Variants in METAP1D observed in about 807,000 individuals in gnomAD.
METAP1D encodes methionyl aminopeptidase type 1D, mitochondrial.
A neutral mutation model predicts 40.5 loss-of-function variants in METAP1D; 31 were observed. The observed-to-expected ratio is 0.77, with a 90% CI of 0.58 to 1.03. METAP1D has a LOEUF of 1.03. Ranked by LOEUF, METAP1D falls within the 50% of genes least tolerant of loss-of-function variation. The probability of loss-of-function intolerance (pLI) is 0.00; values close to 1 mark genes in which losing one functional copy is unlikely to be tolerated. For synonymous variants in METAP1D, 151 were observed against 146.4 expected, an observed-to-expected ratio of 1.03 and a Z score of -0.22; for missense variants, 411 against 420.7, an observed-to-expected ratio of 0.98 and a Z score of 0.20.
At chr2:172,025,030 A>AAGCCTGACAC (rs1689094210) in intron 1 of METAP1D, among the ~76,000 whole-genome samples, 1 of 152,132 alleles carries the variant, frequency 6.6e-6, no homozygotes, top group Non-Finnish European at 1.5e-5. Flanking sequence ...AGTGAGAATA[A>AAGCCTGACAC]AGCCTGACAC....
chr2:172,080,268 G>C, intron 9 of METAP1D, 60 bp from the exon 10 acceptor site: 1 of 1,613,806 alleles, frequency 6.2e-7, no homozygotes, highest in Non-Finnish European at 8.5e-7. Context: ...GTCCGACGGC[G>C]CGCTTGTGGC....
intron 1 of METAP1D, among the ~76,000 whole-genome samples, chr2:172,042,808 CAT>C (rs1332492825): frequency 6.6e-5 from 4 of 60,300 alleles, no homozygotes; most frequent in African/African-American, 1.9e-4. Flanking sequence ...TATATGTACA[CAT>C]ATACGTGTGT....
At chr2:172,059,391 GGAC>G (rs919324034) in intron 1 of METAP1D, among the ~76,000 whole-genome samples, 14 of 152,058 alleles carry the variant, frequency 9.2e-5, no homozygotes, top group Non-Finnish European at 2.1e-4. Context: ...CTCATTTTAA[GGAC>G]TACTGCTCTA....
chr2:172,019,697 A>G (rs973909099), intron 1 of METAP1D, among the ~76,000 whole-genome samples: 3 of 151,806 alleles, frequency 2.0e-5, no homozygotes, highest in Admixed American at 6.6e-5. Context: ...TATAAAACCT[A>G]CTCTCTGTGA....
At chr2:172,058,002 A>G (rs1055860364) in intron 1 of METAP1D, among the ~76,000 whole-genome samples, 1 of 150,366 alleles carries the variant, frequency 6.7e-6, no homozygotes, top group African/African-American at 2.5e-5. Context: ...GTGTGATCAT[A>G]GCTCAGTGCA....
At chr2:172,022,135 G>T (rs146293451) in intron 1 of METAP1D, among the ~76,000 whole-genome samples, 209 of 152,208 alleles carry the variant, frequency 1.4e-3, no homozygotes, top group Non-Finnish European at 2.7e-3. Context: ...CTGGATCCAG[G>T]CCCAGATGAA....
chr2:172,073,060 A>G (rs900481646), intron 6 of METAP1D, among the ~76,000 whole-genome samples: 5 of 152,162 alleles, frequency 3.3e-5, no homozygotes, highest in Non-Finnish European at 5.9e-5. Context: ...TAACAAATGG[A>G]GCTCCCGCCT....
chr2:172,001,584 G>A (rs926494129), intron 1 of METAP1D, among the ~76,000 whole-genome samples: 7 of 151,970 alleles, frequency 4.6e-5, no homozygotes, highest in Non-Finnish European at 1.0e-4. Context: ...AAGTGAAGAG[G>A]AAGATATTTT....
chr2:172,000,056 C>G, intron 1 of METAP1D, 47 bp downstream of exon 1: 1 of 1,269,092 alleles, frequency 7.9e-7, no homozygotes, highest in Non-Finnish European at 1.0e-6. Flanking sequence ...CGGTTGCTCA[C>G]TAGGTACGCA....
At chr2:172,024,396 T>A (rs1233865926) in intron 1 of METAP1D, among the ~76,000 whole-genome samples, 1 of 152,076 alleles carries the variant, frequency 6.6e-6, no homozygotes, top group African/African-American at 2.4e-5. Flanking sequence ...CTTTCTCTAG[T>A]TACCTGCTGA....
rs137855500 is a variant in METAP1D, at chr2:172,005,826, C to T, written c.40+5817C>T. ...GTGCTGGGATTACAGGCATAAGCTA[C>T]CATGTATAACACATTTTATTTATCT... On this transcript the variant is annotated intron_variant, in intron 1 of 9. Coordinates refer to ENST00000315796, the MANE Select transcript of METAP1D (RefSeq NM_199227.3). Among the ~76,000 whole-genome samples the T allele has an allele frequency of 3.0e-3, 461 of 152,034 alleles. 1 individual carries two copies. Among genetic ancestry groups the T allele is most frequent in the Middle Eastern group, 0.014 (4 of 294 alleles).
chr2:172,070,573 G>T (rs982809533), intron 5 of METAP1D: 17 of 154,690 alleles, frequency 1.1e-4, no homozygotes, highest in Admixed American at 2.6e-4. Context: ...GTAGATCAAG[G>T]TCTTTGGCTA....
chr2:172,004,223 T>G (rs1388882860), intron 1 of METAP1D, among the ~76,000 whole-genome samples: 1 of 152,198 alleles, frequency 6.6e-6, no homozygotes, highest in Non-Finnish European at 1.5e-5. Flanking sequence ...TTATACATCA[T>G]GAGTTAAGTA....
At chr2:172,080,236 A>G (rs1390967302) in intron 9 of METAP1D, 30 bp downstream of exon 9, 2 of 1,613,880 alleles carry the variant, frequency 1.2e-6, no homozygotes, top group African/African-American at 2.7e-5. Context: ...TTGCTTTTAA[A>G]TTGTATGGGA....
At chr2:172,016,300 A>AAAATATATATATATATATAT (rs1553490378) in intron 1 of METAP1D, among the ~76,000 whole-genome samples, 1 of 40,038 alleles carries the variant, frequency 2.5e-5, no homozygotes, top group Non-Finnish European at 4.6e-5. Context: ...AAAAAAAAAA[A>AAAATATATATATATATATAT]ATATATATAT....
rs556016618 is a variant in METAP1D, at chr2:172,057,676, G to A, written c.41-3822G>A. ...CCTGTTTTTTCTCATGCCTGTGAGAGAAGTAATACATTTTGTAGAGGCAAC... is the reference window on the plus strand; with the variant it reads ...CCTGTTTTTTCTCATGCCTGTGAGAAAAGTAATACATTTTGTAGAGGCAAC... On this transcript the variant is annotated intron_variant, in intron 1 of 9. Transcript: ENST00000315796. Among the ~76,000 whole-genome samples, 7 of 152,302 alleles carry A rather than the reference G, an allele frequency of 4.6e-5. No homozygotes were observed. In the South Asian group the frequency reaches 1.2e-3, roughly 27 times the overall value.
At chr2:172,017,146 A>G (rs762798126) in intron 1 of METAP1D, among the ~76,000 whole-genome samples, 5 of 151,196 alleles carry the variant, frequency 3.3e-5, no homozygotes, top group East Asian at 3.9e-4. Flanking sequence ...GAGTTCCTCA[A>G]GTTTCTTCTC....
At chr2:172,033,670 A>T (rs1689294837) in intron 1 of METAP1D, among the ~76,000 whole-genome samples, 1 of 152,106 alleles carries the variant, frequency 6.6e-6, no homozygotes, top group Non-Finnish European at 1.5e-5. Context: ...TGTTTAATTT[A>T]AAAAAGAATA....
chr2:172,039,227 G>C (rs566799361), intron 1 of METAP1D, among the ~76,000 whole-genome samples: 1 of 152,256 alleles, frequency 6.6e-6, no homozygotes, highest in African/African-American at 2.4e-5. Flanking sequence ...CTGCCTCTCT[G>C]TACATCATCA....
Sources: gnomAD v4.1 joint callset for allele counts (sites outside exome capture counted in the v4.1 genomes callset) on GRCh38, gnomAD v4.1.1 for gene constraint, MANE v1.5 for transcripts, NCBI Gene and HGNC (gene_info 2026-07-23, HGNC 2026-07-21) for gene names.